Variants in IMMP2L observed in about 807,000 individuals in gnomAD.
IMMP2L encodes mitochondrial inner membrane protease subunit 2.
In IMMP2L, 18 loss-of-function variants were observed where a neutral mutation model predicts 19.3. That is an observed-to-expected ratio of 0.93 (90% CI 0.64 to 1.38). The LOEUF is 1.38. IMMP2L is among the 40% of genes most tolerant of loss of function. IMMP2L has a pLI of 0.00. For synonymous variants in IMMP2L, 76 were observed against 73.0 expected (o/e 1.04, Z -0.21); for missense variants, 233 against 218.2 (o/e 1.07, Z -0.43).
intron 3 of IMMP2L, among the ~76,000 whole-genome samples, chr7:111,151,880 G>A (rs1231402807): frequency 2.0e-5 from 3 of 152,158 alleles, no homozygotes; most frequent in African/African-American, 4.8e-5. Context: ...AGGTTGCAGT[G>A]AGCCAAGATC....
chr7:111,085,220 A>G (rs1796214421), intron 3 of IMMP2L, among the ~76,000 whole-genome samples: 1 of 152,202 alleles, frequency 6.6e-6, no homozygotes, highest in Non-Finnish European at 1.5e-5. Context: ...TTGTTCTTCA[A>G]ATGATTCGTA....
At chr7:111,434,471 C>A (rs1216204930) in intron 3 of IMMP2L, among the ~76,000 whole-genome samples, 2 of 151,098 alleles carry the variant, frequency 1.3e-5, no homozygotes, top group Non-Finnish European at 1.5e-5. Context: ...AAAAAAATAA[C>A]CCCATTAAAA....
Position 111,187,866 on chromosome 7 carries a change from G to C in IMMP2L, c.240-224301C>G, listed in dbSNP as rs73714686. ...ATCAAATCCAGGCAACCTGGCTCTG[G>C]AATCTGAGGCCTTAAGTACGTCAAA... On this transcript the variant is annotated intron_variant, in intron 3 of 5. Transcript: ENST00000405709. Among the ~76,000 whole-genome samples the C allele has an allele frequency of 2.1e-3, 319 of 152,206 alleles. 4 individuals carry two copies. The highest frequency in any genetic ancestry group is 7.2e-3 in the African/African-American group (300 of 41,510).
At chr7:111,400,432 G>A (rs1190316822) in intron 3 of IMMP2L, among the ~76,000 whole-genome samples, 2 of 152,014 alleles carry the variant, frequency 1.3e-5, no homozygotes, top group Non-Finnish European at 2.9e-5. Context: ...TGTATCCCCA[G>A]AAACCAATTT....
At chr7:111,512,055 C>T (rs1030692952) in intron 2 of IMMP2L, among the ~76,000 whole-genome samples, 6 of 152,106 alleles carry the variant, frequency 3.9e-5, no homozygotes, top group Non-Finnish European at 7.4e-5. Context: ...GAAATGAAAT[C>T]ATGTATATAC....
chr7:111,354,632 T>C (rs1019807486), intron 3 of IMMP2L, among the ~76,000 whole-genome samples: 1 of 151,516 alleles, frequency 6.6e-6, no homozygotes, highest in Admixed American at 6.6e-5. Flanking sequence ...TATGACTACC[T>C]AGAAACACAC....
At chr7:111,498,051 G>C (rs1843760619) in intron 2 of IMMP2L, among the ~76,000 whole-genome samples, 1 of 151,880 alleles carries the variant, frequency 6.6e-6, no homozygotes, top group South Asian at 2.1e-4. Flanking sequence ...TTTTGAAGGG[G>C]AAAGCATCTG....
In IMMP2L at chr7:111,188,420, G is replaced by A. The variant is rs193148995; in HGVS notation, c.240-224855C>T. ...ACCTCTTCTCATTGTTTCTTCATATGGCAGAAAGGGGGCAACAGACTGTTC... is the reference window on the plus strand; with the variant it reads ...ACCTCTTCTCATTGTTTCTTCATATAGCAGAAAGGGGGCAACAGACTGTTC... On this transcript the variant is annotated intron_variant, in intron 3 of 5. Coordinates refer to ENST00000405709, the MANE Select transcript of IMMP2L (RefSeq NM_032549.4). 1.9e-3 allele frequency among the ~76,000 whole-genome samples: 290 copies of A among 152,148 alleles called. 2 individuals carry two copies. The highest frequency in any genetic ancestry group is 6.8e-3 in the African/African-American group (280 of 41,474).
At chr7:111,324,433 G>A (rs1825091640) in intron 3 of IMMP2L, among the ~76,000 whole-genome samples, 1 of 151,882 alleles carries the variant, frequency 6.6e-6, no homozygotes, top group Non-Finnish European at 1.5e-5. Context: ...TGCCTAAAAA[G>A]GGAAGTAAAA....
intron 3 of IMMP2L, among the ~76,000 whole-genome samples, chr7:111,095,329 C>A (rs563460242): frequency 2.0e-5 from 3 of 152,000 alleles, no homozygotes; most frequent in Admixed American, 2.0e-4. Context: ...TAGGTTAGAA[C>A]CCCTTACAAT....
At chr7:111,121,175 T>C (rs1417125557) in intron 3 of IMMP2L, among the ~76,000 whole-genome samples, 1 of 152,216 alleles carries the variant, frequency 6.6e-6, no homozygotes. Flanking sequence ...ATCAAGGACA[T>C]ATCCTTCGCC....
intron 5 of IMMP2L, among the ~76,000 whole-genome samples, chr7:110,743,539 G>C (rs936566259): frequency 6.6e-6 from 1 of 152,142 alleles, no homozygotes; most frequent in Non-Finnish European, 1.5e-5. Flanking sequence ...AGTTCCCAGC[G>C]AGATCGACAC....
intron 3 of IMMP2L, among the ~76,000 whole-genome samples, chr7:110,982,139 T>C (rs1169941334): frequency 6.6e-6 from 1 of 152,154 alleles, no homozygotes; most frequent in Non-Finnish European, 1.5e-5. Flanking sequence ...GATTTCAGGT[T>C]CTATTAGAAA....
chr7:110,795,527 A>T (rs1487115783), intron 5 of IMMP2L, among the ~76,000 whole-genome samples: 1 of 152,106 alleles, frequency 6.6e-6, no homozygotes, highest in Non-Finnish European at 1.5e-5. Context: ...CTTTTTACTT[A>T]ACAGCCCTAA....
intron 3 of IMMP2L, among the ~76,000 whole-genome samples, chr7:111,277,728 C>G (rs1187123525): frequency 1.3e-5 from 2 of 152,170 alleles, no homozygotes; most frequent in Non-Finnish European, 2.9e-5. Context: ...AATCCCACTA[C>G]TGGGTATCTA....
intron 3 of IMMP2L, among the ~76,000 whole-genome samples, chr7:111,183,626 A>G (rs1562897224): frequency 2.6e-5 from 4 of 152,092 alleles, no homozygotes; most frequent in Admixed American, 1.3e-4. Context: ...TCAGACTTAC[A>G]GTCAGAAGTT....
intron 3 of IMMP2L, among the ~76,000 whole-genome samples, chr7:111,334,908 C>T (rs757433238): frequency 3.4e-4 from 52 of 152,006 alleles, no homozygotes; most frequent in African/African-American, 1.2e-3. Context: ...AGTCAGGTAA[C>T]GATGGAATTC....
intron 5 of IMMP2L, among the ~76,000 whole-genome samples, chr7:110,868,877 G>C (rs1808268556): frequency 6.6e-6 from 1 of 150,686 alleles, no homozygotes. Flanking sequence ...TTCCTGAACT[G>C]AATGCAAAAA....
chr7:110,749,576 A>T (rs1225833955), intron 5 of IMMP2L, among the ~76,000 whole-genome samples: 1 of 152,188 alleles, frequency 6.6e-6, no homozygotes, highest in Non-Finnish European at 1.5e-5. Flanking sequence ...ATAAAAAAGG[A>T]TGAGTTCCTG....
Sources: gnomAD v4.1 joint callset for allele counts (sites outside exome capture counted in the v4.1 genomes callset) on GRCh38, gnomAD v4.1.1 for gene constraint, MANE v1.5 for transcripts, NCBI Gene and HGNC (gene_info 2026-07-23, HGNC 2026-07-21) for gene names.